The following POLR2B variants were observed in gnomAD, a reference collection of about 807,000 sequenced individuals.
The protein encoded by POLR2B is DNA-directed RNA polymerase II subunit RPB2.
A neutral mutation model predicts 144.6 loss-of-function variants in POLR2B; 57 were observed. The ratio of observed to expected loss-of-function variants is 0.39; its 90% CI spans 0.32 to 0.49. POLR2B has a LOEUF of 0.49. Ranked by LOEUF, POLR2B falls within the 20% of genes least tolerant of loss-of-function variation. The pLI, the probability that POLR2B is intolerant of heterozygous loss-of-function variation, is 0.83. For synonymous variants in POLR2B, 442 were observed against 469.8 expected (o/e 0.94, Z 0.77); for missense variants, 595 against 1,467.4 (o/e 0.41, Z 9.71).
intron 10 of POLR2B, among the ~76,000 whole-genome samples, chr4:57,008,108 G>C: frequency 6.6e-6 from 1 of 152,150 alleles, no homozygotes; most frequent in Non-Finnish European, 1.5e-5. Context: ...GAGCTCATCA[G>C]CATCTAGCAG....
chr4:56,986,662 G>T, intron 2 of POLR2B: 1 of 300,098 alleles, frequency 3.3e-6, no homozygotes, highest in Middle Eastern at 1.0e-3. Flanking sequence ...TTCTCTTTTT[G>T]TATATATATA....
At chr4:57,013,783 A>T (rs1723276943) in intron 13 of POLR2B, among the ~76,000 whole-genome samples, 1 of 152,124 alleles carries the variant, frequency 6.6e-6, no homozygotes, top group Non-Finnish European at 1.5e-5. Flanking sequence ...ACATAAACTG[A>T]TAAAACTGTG....
chr4:57,007,058 T>G (rs889238281), intron 10 of POLR2B, 56 bp downstream of exon 10: 8 of 1,181,142 alleles, frequency 6.8e-6, no homozygotes, highest in Non-Finnish European at 9.8e-6. Context: ...ATAGGACTAG[T>G]AGATTCTTTT....
intron 9 of POLR2B, among the ~76,000 whole-genome samples, chr4:57,006,494 G>A (rs893444665): frequency 1.3e-5 from 2 of 152,020 alleles, no homozygotes; most frequent in Non-Finnish European, 2.9e-5. Context: ...TAGTAGAGAC[G>A]GTGTTTCTCC....
intron 3 of POLR2B, among the ~76,000 whole-genome samples, chr4:56,992,464 CAAAAAAAAAAAAAAAAA>C (rs1209234628): frequency 1.2e-4 from 2 of 17,140 alleles, no homozygotes; most frequent in Admixed American, 1.3e-3. Context: ...GACTCTGTCT[CAAAAAAAAAAAAAAAAA>C]AAAAAAAAAA....
chr4:56,996,238 G>GTGTGTGTGTGTGTA (rs1491167997), intron 6 of POLR2B, among the ~76,000 whole-genome samples: 1 of 106,932 alleles, frequency 9.4e-6, no homozygotes, highest in African/African-American at 3.3e-5. Flanking sequence ...GTGTGTGTGT[G>GTGTGTGTGTGTGTA]TATGTATATG....
Position 57,022,136 on chromosome 4 carries a change from A to T in POLR2B, c.2421-16A>T, listed in dbSNP as rs757895179. 3 of 1,472,600 alleles carry T rather than the reference A, an allele frequency of 2.0e-6. No individual in the cohort carries two copies. The highest frequency in any genetic ancestry group is 2.8e-6 in the Non-Finnish European group (3 of 1,056,968). 91.2% of individuals were successfully genotyped at this position (1,472,600 alleles called of 1,614,324 possible). On this transcript the variant is annotated splice_polypyrimidine_tract_variant and intron_variant, in intron 17 of 24. Coordinates refer to ENST00000314595, the MANE Select transcript of POLR2B (RefSeq NM_000938.3). Reference sequence around the variant, plus strand: ...AAAAGAAAATAGACTTTACCTTTAGAACCATGTGTTTTTAGGTCTGTTTTC... The same window carrying T: ...AAAAGAAAATAGACTTTACCTTTAGTACCATGTGTTTTTAGGTCTGTTTTC...
At chr4:57,026,008 G>A (rs1723706352) in intron 23 of POLR2B, among the ~76,000 whole-genome samples, 1 of 151,962 alleles carries the variant, frequency 6.6e-6, no homozygotes, top group Non-Finnish European at 1.5e-5. Flanking sequence ...AGGCCAAGAC[G>A]GGTAGATCAC....
rs1453803846 is a variant in POLR2B, at chr4:57,023,444, A to G, written c.2630A>G (p.Glu877Gly). The G allele has an allele frequency of 6.2e-7, 1 of 1,614,022 alleles. No homozygotes were observed. The highest frequency in any genetic ancestry group is 1.3e-5 in the African/African-American group (1 of 74,928). ...AAAACAGTCACCTTGCCTGAAAATG[A>G]AGATGAATTGGAGAGCACCAATAGA... ...IGKTVTLPEN[E>G]DELESTNRRY... The change falls in exon 19 of 25, where the codon GAA becomes GGA. Residue 877 changes from glutamate to glycine, a missense_variant. By Grantham distance (98) the Glu-to-Gly change is moderately conservative. Transcript: ENST00000314595. This position sits in a 1 kb window ranked among gnomAD's most constrained non-coding sequence, Gnocchi z 4.3.
intron 6 of POLR2B, among the ~76,000 whole-genome samples, chr4:56,997,157 G>T (rs762224784): frequency 6.6e-6 from 1 of 152,078 alleles, no homozygotes; most frequent in East Asian, 1.9e-4. Flanking sequence ...ACATTAAATG[G>T]TAGTAACACA....
At chr4:57,004,809 C>G (rs1462745256) in intron 7 of POLR2B, among the ~76,000 whole-genome samples, 1 of 152,170 alleles carries the variant, frequency 6.6e-6, no homozygotes, top group Non-Finnish European at 1.5e-5. Flanking sequence ...TTTAGCCTCC[C>G]AAGTCGCTGG....
intron 1 of POLR2B, among the ~76,000 whole-genome samples, chr4:56,981,256 T>TGTCCCCCCCC (rs1722150001): frequency 6.7e-6 from 1 of 150,312 alleles, no homozygotes; most frequent in African/African-American, 2.5e-5. Flanking sequence ...GCGCCCCCCC[T>TGTCCCCCCCC]CCCGTGTCCC....
intron 13 of POLR2B, among the ~76,000 whole-genome samples, chr4:57,014,227 C>T (rs573039066): frequency 6.6e-6 from 1 of 152,282 alleles, no homozygotes; most frequent in East Asian, 1.9e-4. Flanking sequence ...CAGGGTCTTA[C>T]TCTATTGCCC....
intron 17 of POLR2B, among the ~76,000 whole-genome samples, chr4:57,021,942 G>C (rs1265160685): frequency 6.6e-6 from 1 of 152,156 alleles, no homozygotes; most frequent in South Asian, 2.1e-4. Flanking sequence ...ATAATACTAG[G>C]TGGTTAAGGT....
intron 17 of POLR2B, among the ~76,000 whole-genome samples, 177 bp from the exon 18 acceptor site, chr4:57,021,975 T>C (rs1296394795): frequency 6.6e-6 from 1 of 152,232 alleles, no homozygotes; most frequent in Admixed American, 6.5e-5. Context: ...GCTACATATG[T>C]ATAACTCATG....
chr4:57,006,530 C>T (rs1357711578), intron 9 of POLR2B, among the ~76,000 whole-genome samples: 1 of 152,188 alleles, frequency 6.6e-6, no homozygotes, highest in African/African-American at 2.4e-5. Flanking sequence ...GTCTCAAACT[C>T]CTGACCTCAG....
chr4:57,003,125 C>T (rs1489256846), intron 7 of POLR2B, among the ~76,000 whole-genome samples: 1 of 152,188 alleles, frequency 6.6e-6, no homozygotes, highest in Non-Finnish European at 1.5e-5. Context: ...GTCTCTTTCA[C>T]AGTGTGTTTT....
intron 2 of POLR2B, among the ~76,000 whole-genome samples, chr4:56,987,027 C>A (rs1325116939): frequency 2.6e-5 from 4 of 152,096 alleles, no homozygotes; most frequent in Non-Finnish European, 4.4e-5. Flanking sequence ...CTCAGTGTGT[C>A]TGTTCTTTTT....
At chr4:57,027,158 G>A (rs148902206) in intron 23 of POLR2B, among the ~76,000 whole-genome samples, 297 of 152,018 alleles carry the variant, frequency 2.0e-3, no homozygotes, top group African/African-American at 6.3e-3. Flanking sequence ...ACAGGTGTGC[G>A]CCACCAAGCC....
Sources: allele counts gnomAD v4.1 joint callset (sites outside exome capture counted in the v4.1 genomes callset), GRCh38; gene constraint gnomAD v4.1.1; non-coding constraint Gnocchi (gnomAD v3.1); transcripts MANE v1.5; gene names NCBI Gene and HGNC (gene_info 2026-07-23, HGNC 2026-07-21).